PNPLA8: variants seen among roughly 807,000 people sequenced by gnomAD.
The protein encoded by PNPLA8 is patatin like domain 8, phospholipase A2.
In PNPLA8, 39 loss-of-function variants were observed where a neutral mutation model predicts 76.9. That is an observed-to-expected ratio of 0.51 (90% CI 0.39 to 0.66). The LOEUF is 0.66. Among genes scored for constraint, PNPLA8 ranks in the 30% least tolerant of loss-of-function variants. PNPLA8 has a pLI of 0.00. For synonymous variants in PNPLA8, 301 were observed against 307.9 expected, an observed-to-expected ratio of 0.98 and a Z score of 0.24; for missense variants, 887 against 918.0, an observed-to-expected ratio of 0.97 and a Z score of 0.44.
Position 108,472,062 on chromosome 7 carries a change from A to G in PNPLA8, c.*339T>C, listed in dbSNP as rs1169737230. 1 of 160,786 alleles carries G rather than the reference A, an allele frequency of 6.2e-6. No homozygotes were observed. The highest frequency in any genetic ancestry group is 1.4e-5 in the Non-Finnish European group (1 of 73,942). 10.0% of individuals were successfully genotyped at this position (160,786 alleles called of 1,614,324 possible). The stretch of plus-strand genomic sequence containing the variant: ...TATGAGGACTAAAGTAAAAATACAC[A>G]GTACAATATAGCTTTCGGTTTCTTG... On this transcript the variant is annotated 3_prime_UTR_variant, in exon 11 of 11. Coordinates refer to ENST00000257694, the MANE Select transcript of PNPLA8 (RefSeq NM_001256007.3).
Position 108,472,477 on chromosome 7 carries a change from GTTGT to G in PNPLA8, c.2269_2272del (p.Thr757LeufsTer9), listed in dbSNP as rs1344985428. ...TATCCAATCATTAATTTTCTGCAGA[GTTGT>G]TTTTTCTTGACTTAATATTTTTGCA... On this transcript the variant is annotated frameshift_variant, in exon 11 of 11. Transcript: ENST00000257694. LOFTEE classifies it high-confidence loss of function. 4 of 1,602,082 alleles carry G rather than the reference GTTGT, an allele frequency of 2.5e-6. No individual in the cohort carries two copies. The highest frequency in any genetic ancestry group is 3.4e-6 in the Non-Finnish European group (4 of 1,172,678).
intron 5 of PNPLA8, among the ~76,000 whole-genome samples, chr7:108,498,275 T>A (rs1400227228): frequency 6.7e-6 from 1 of 150,022 alleles, no homozygotes; most frequent in Admixed American, 6.6e-5. Flanking sequence ...TTCACCAGAT[T>A]TTTTTTTTTG....
chr7:108,492,731 T>C (rs915701701), intron 7 of PNPLA8, among the ~76,000 whole-genome samples: 2 of 151,984 alleles, frequency 1.3e-5, no homozygotes, highest in Admixed American at 1.3e-4. Flanking sequence ...CAATAAACAA[T>C]GGGCGAAAAA....
rs182370281 is a variant in PNPLA8 at position 108,519,201 on chromosome 7, C to A, written c.-84+2275G>T. ...ACACAGCCAAGAGTTTGAGACCAGC[C>A]CAGATAAATGGTGAAACCTTGTCTC... On this transcript the variant is annotated intron_variant, in intron 2 of 10. Transcript: ENST00000257694. 1.2e-3 allele frequency among the ~76,000 whole-genome samples: 187 copies of A among 151,852 alleles called. 1 individual carries two copies. Among genetic ancestry groups the A allele is most frequent in the African/African-American group, 4.4e-3 (181 of 41,418 alleles).
intron 2 of PNPLA8, among the ~76,000 whole-genome samples, chr7:108,519,954 C>A (rs972600773): frequency 1.3e-5 from 2 of 152,208 alleles, no homozygotes; most frequent in Non-Finnish European, 2.9e-5. Flanking sequence ...AAGTTCGTCT[C>A]TGTCCTTCCA....
intron 5 of PNPLA8, among the ~76,000 whole-genome samples, chr7:108,498,622 T>G (rs1861731382): frequency 6.6e-6 from 1 of 152,040 alleles, no homozygotes; most frequent in Admixed American, 6.6e-5. Context: ...TTAAAAACTC[T>G]CAATAACTTC....
intron 10 of PNPLA8, among the ~76,000 whole-genome samples, chr7:108,477,054 C>T (rs6466239): frequency 0.65 from 98,448 of 152,018 alleles, 32,448 homozygotes; most frequent in African/African-American, 0.77. Context: ...AGAGATCTGA[C>T]GTACAGCATG....
At chr7:108,482,991 C>T (rs1229084597) in intron 9 of PNPLA8, among the ~76,000 whole-genome samples, 1 of 152,166 alleles carries the variant, frequency 6.6e-6, no homozygotes, top group Non-Finnish European at 1.5e-5. Flanking sequence ...GTGAAGAACA[C>T]TCTTCATCTT....
At chr7:108,517,058 C>T (rs995308972) in intron 2 of PNPLA8, among the ~76,000 whole-genome samples, 4 of 152,084 alleles carry the variant, frequency 2.6e-5, no homozygotes, top group Non-Finnish European at 4.4e-5. Flanking sequence ...TCTTAAAGCT[C>T]GACAATAAGA....
intron 4 of PNPLA8, among the ~76,000 whole-genome samples, chr7:108,505,308 A>T (rs1199317921): frequency 3.2e-4 from 1 of 3,120 alleles, no homozygotes; most frequent in Non-Finnish European, 5.3e-4. Flanking sequence ...ATTTATATAT[A>T]TATATATATA....
At chr7:108,499,799 A>G (rs539992202) in intron 5 of PNPLA8, among the ~76,000 whole-genome samples, 16 of 152,336 alleles carry the variant, frequency 1.1e-4, no homozygotes, top group African/African-American at 3.8e-4. Context: ...TTTCCTCCCT[A>G]TATGACTAAT....
intron 9 of PNPLA8, among the ~76,000 whole-genome samples, chr7:108,483,205 C>T (rs1007094873): frequency 1.3e-5 from 2 of 152,152 alleles, no homozygotes; most frequent in South Asian, 4.1e-4. Context: ...CAACACTTCC[C>T]AGAGAAAGTT....
At chr7:108,484,846 A>G (rs900011490) in intron 9 of PNPLA8, among the ~76,000 whole-genome samples, 8 of 152,144 alleles carry the variant, frequency 5.3e-5, no homozygotes, top group Non-Finnish European at 2.9e-5. Context: ...AAAAATCTTT[A>G]TATCCTTCCC....
rs996230096 is a variant in PNPLA8, at chr7:108,525,418, T to A, written c.-130+611A>T. Among the ~76,000 whole-genome samples the A allele has an allele frequency of 2.6e-5, 4 of 152,202 alleles. No homozygotes were observed. In the East Asian group the frequency reaches 7.7e-4, roughly 29 times the overall value. On this transcript the variant is annotated intron_variant, in intron 1 of 10. Coordinates refer to ENST00000257694, the MANE Select transcript of PNPLA8 (RefSeq NM_001256007.3). ...GAGTTTTTCCTATGAGTCACCATTT[T>A]AAAGTTATCATTGTATTAGGCGTGG...
At position 108,514,135 on chromosome 7, in the gene PNPLA8, A is replaced by T. The variant is rs1355287871; in HGVS notation, c.1206+9T>A. 10 of 1,573,160 alleles carry T rather than the reference A, an allele frequency of 6.4e-6. No individual in the cohort carries two copies. Among genetic ancestry groups the T allele is most frequent in the Non-Finnish European group, 6.9e-6 (8 of 1,153,630 alleles). ...AAGACAAAACTAGATTAAATAAATT[A>T]GAAATTACCTTGACAGCCACTCCTT... On this transcript the variant is annotated intron_variant, in intron 4 of 10. Transcript: ENST00000257694.
chr7:108,491,170 G>A (rs112045694), intron 8 of PNPLA8, among the ~76,000 whole-genome samples: 1 of 152,256 alleles, frequency 6.6e-6, no homozygotes, highest in African/African-American at 2.4e-5. Context: ...AGCCAGGCGT[G>A]GTGGTGCATG....
At chr7:108,527,319 T>C (rs1212079196), upstream of PNPLA8, among the ~76,000 whole-genome samples, 3 of 152,184 alleles carry the variant, frequency 2.0e-5, no homozygotes, top group East Asian at 3.8e-4. Flanking sequence ...GCTATGTTCT[T>C]GGGACACAGT....
intron 5 of PNPLA8, 123 bp from the exon 6 acceptor site, chr7:108,497,700 A>T (rs1248864815): frequency 1.7e-5 from 8 of 466,892 alleles, no homozygotes; most frequent in Non-Finnish European, 2.9e-5. Context: ...AATTAATAAT[A>T]TAAATCAAAA....
chr7:108,479,501 T>C, intron 9 of PNPLA8, 122 bp from the exon 10 acceptor site: 2 of 684,616 alleles, frequency 2.9e-6, no homozygotes, highest in Non-Finnish European at 4.9e-6. Context: ...ATTTCTTTTA[T>C]AGACTACAGC....
Sources: allele counts gnomAD v4.1 joint callset (sites outside exome capture counted in the v4.1 genomes callset), GRCh38; gene constraint gnomAD v4.1.1; transcripts MANE v1.5; gene names NCBI Gene and HGNC (gene_info 2026-07-23, HGNC 2026-07-21).